Variants in SETD6 observed in about 807,000 individuals in gnomAD.
SETD6 encodes SET domain containing 6, protein lysine methyltransferase.
A neutral mutation model predicts 52.7 loss-of-function variants in SETD6; 67 were observed. The ratio of observed to expected loss-of-function variants is 1.27; its 90% CI spans 1.04 to 1.56. SETD6 has a LOEUF of 1.56. SETD6 is among the 40% of genes most tolerant of loss of function. The pLI, the probability that SETD6 is intolerant of heterozygous loss-of-function variation, is 0.00. For missense variants in SETD6, 712 were observed against 607.5 expected, an observed-to-expected ratio of 1.17 and a Z score of -1.81; for synonymous variants, 307 against 250.2, an observed-to-expected ratio of 1.23 and a Z score of -2.14.
At chr16:58,516,153 C>CGGTTCGGG in intron 2 of SETD6, 49 bp from the exon 3 acceptor site, 1 of 1,051,522 alleles carries the variant, frequency 9.5e-7, no homozygotes, top group Non-Finnish European at 1.2e-6. Context: ...GCGGGGCGGG[C>CGGTTCGGG]CCGGCCCGCG....
In SETD6 at chr16:58,520,853, A is replaced by C. The variant is rs2039342689; in HGVS notation, c.*1824A>C. 4.2e-6 allele frequency: 5 copies of C among 1,191,952 alleles called. No individual in the cohort carries two copies. Among genetic ancestry groups the C allele is most frequent in the Non-Finnish European group, 6.1e-6 (5 of 817,606 alleles). 73.8% of individuals were successfully genotyped at this position (1,191,952 alleles called of 1,614,324 possible). A position where few individuals can be genotyped will look rare whatever the true frequency, so the allele number is the denominator to read the frequency against. On this transcript the variant is annotated 3_prime_UTR_variant, in exon 8 of 8. Coordinates refer to ENST00000219315, the MANE Select transcript of SETD6 (RefSeq NM_001160305.4). ...GTTGGGGCAGATACCCACAAACCAA[A>C]GGGCTGGGAAAGTCAGGAAGAGCTG...
Position 58,519,273 on chromosome 16 carries a change from A to T in SETD6, c.*244A>T, listed in dbSNP as rs1315022215. 2.2e-6 allele frequency: 1 copy of T among 463,994 alleles called. No homozygotes were observed. Among genetic ancestry groups the T allele is most frequent in the Admixed American group, 3.9e-5 (1 of 25,318 alleles). 28.7% of individuals were successfully genotyped at this position (463,994 alleles called of 1,614,324 possible). On this transcript the variant is annotated 3_prime_UTR_variant, in exon 8 of 8. Transcript: ENST00000219315. ...AGCATGTTACAGATGTTTTGTTCTCAGTTTTAACCAAAGCCAGTGGACATA... is the reference window on the plus strand; with the variant it reads ...AGCATGTTACAGATGTTTTGTTCTCTGTTTTAACCAAAGCCAGTGGACATA...
chr16:58,517,106 A>G (rs1403489811), intron 5 of SETD6, 178 bp downstream of exon 5: 9 of 909,928 alleles, frequency 9.9e-6, no homozygotes, highest in African/African-American at 1.6e-5. Flanking sequence ...AAGTCCTCAA[A>G]GTAAGTTGTG....
In SETD6 at chr16:58,515,825, C is replaced by T; in HGVS notation, c.62C>T (p.Pro21Leu). 1 of 1,538,632 alleles carries T rather than the reference C, an allele frequency of 6.5e-7. No homozygotes were observed. Residue 21 changes from proline (P) to leucine (L), a missense_variant, in exon 2 of 8, where the codon CCT (proline) becomes CTT (leucine). Transcript: ENST00000219315. ...AGPVDGGDLD[P>L]VACFLSWCRR... is the part of the protein sequence containing the mutation. ...CCCGTGGACGGCGGCGACCTGGATC[C>T]TGTGGCCTGCTTCCTGAGCTGGTGC...
Position 58,519,134 on chromosome 16 carries a change from A to G in SETD6, c.*105A>G. 8.4e-7 allele frequency: 1 copy of G among 1,184,166 alleles called. No individual in the cohort carries two copies. Among genetic ancestry groups the G allele is most frequent in the East Asian group, 2.6e-5 (1 of 39,176 alleles). The allele number at this position is 1,184,166 out of a possible 1,614,324, so 73.4% of individuals were successfully genotyped here. ...AATTTGGATCTTTCTTTTGCTTACT[A>G]AACACCAAGAGGAAAAGTAGCAAAG... On this transcript the variant is annotated 3_prime_UTR_variant, in exon 8 of 8. Coordinates refer to ENST00000219315, the MANE Select transcript of SETD6 (RefSeq NM_001160305.4).
At chr16:58,517,904 C>CT in intron 5 of SETD6, 147 bp from the exon 6 acceptor site, 1 of 947,868 alleles carries the variant, frequency 1.1e-6, no homozygotes, top group Non-Finnish European at 1.6e-6. Context: ...AGTTTAGGGT[C>CT]TAACAGGAAC....
At chr16:58,518,360 T>C in intron 6 of SETD6, 41 bp from the exon 7 acceptor site, 1 of 1,585,968 alleles carries the variant, frequency 6.3e-7, no homozygotes, top group Non-Finnish European at 8.6e-7. Context: ...AAATGAACCC[T>C]TGGGTGTACT....
rs1418999458 is a variant in SETD6, at chr16:58,516,319, G to A, written c.452G>A (p.Gly151Asp). Residue 151 changes from glycine to aspartate, a missense_variant, in exon 3 of 8, where the codon GGC becomes GAC. Gly to Asp is a moderately conservative substitution (Grantham distance 94). Transcript: ENST00000219315. Reference sequence around the variant, plus strand: ...TACTTTGCGCTCTGGCCCGAGCTGGGCCGCTTGGAGCACCCGATGTTCTGG... The same window carrying A: ...TACTTTGCGCTCTGGCCCGAGCTGGACCGCTTGGAGCACCCGATGTTCTGG... ...RPYFALWPELGRLEHPMFWPE... is the reference protein window; with the variant it reads ...RPYFALWPELDRLEHPMFWPE... 3 of 1,607,726 alleles carry A rather than the reference G, an allele frequency of 1.9e-6. No individual in the cohort carries two copies. Among genetic ancestry groups the A allele is most frequent in the Non-Finnish European group, 2.5e-6 (3 of 1,179,910 alleles).
rs983441393 is a variant in SETD6, at chr16:58,519,359, C to T, written c.*330C>T. ...TTTAATAATAGACTTTGGAGGTAGA[C>T]CCCTGGTTTAAATCTAAGTCTAGTT... is the stretch of plus-strand genomic sequence containing the variant. On this transcript the variant is annotated 3_prime_UTR_variant, in exon 8 of 8. Transcript: ENST00000219315. The T allele has an allele frequency of 8.8e-6, 2 of 228,136 alleles. No homozygotes were observed. The highest frequency in any genetic ancestry group is 1.7e-5 in the Non-Finnish European group (2 of 115,174). 14.1% of individuals were successfully genotyped at this position (228,136 alleles called of 1,614,324 possible).
In SETD6 at chr16:58,523,570, G is replaced by A; in HGVS notation, c.*4541G>A. 2.0e-6 allele frequency: 3 copies of A among 1,496,972 alleles called. No individual in the cohort carries two copies. Among genetic ancestry groups the A allele is most frequent in the East Asian group, 2.3e-5 (1 of 43,912 alleles). The allele number at this position is 1,496,972 out of a possible 1,614,324, so 92.7% of individuals were successfully genotyped here. A position where few individuals can be genotyped will look rare whatever the true frequency, so the allele number is the denominator to read the frequency against. ...CCAACATGGGAAGACAGTTCTAACT[G>A]GCTAGGGTTTGGGTTTCTGACAGAG... On this transcript the variant is annotated 3_prime_UTR_variant, in exon 8 of 8. Coordinates refer to ENST00000219315, the MANE Select transcript of SETD6 (RefSeq NM_001160305.4).
At position 58,516,021 on chromosome 16, in the gene SETD6, A is replaced by G. The variant is rs1395451263; in HGVS notation, c.258A>G (p.Gly86=). ...GMVARESVQA[G]ELLFVVPRAA... is the part of the protein sequence containing the mutation. ...TGGCCCGGGAGAGCGTGCAGGCCGG[A>G]GAGCTGTTGTTCGTGGTGCCGCGGG... is the stretch of plus-strand genomic sequence containing the variant. Residue 86 remains glycine (G), a synonymous_variant, in exon 2 of 8, where the codon GGA becomes GGG. Transcript: ENST00000219315. 6.5e-7 allele frequency: 1 copy of G among 1,538,438 alleles called. No homozygotes were observed. The highest frequency in any genetic ancestry group is 2.6e-5 in the East Asian group (1 of 38,478).
At chr16:58,515,666 C>T (rs2039097723) in intron 1 of SETD6, 102 bp downstream of exon 1, 6 of 1,410,546 alleles carry the variant, frequency 4.3e-6, no homozygotes, top group Non-Finnish European at 5.5e-6. Context: ...CCCGCGGGTC[C>T]CGCGCCCCTC....
rs750590369 is a variant in SETD6 at position 58,518,593 on chromosome 16, G to A, written c.1116+50G>A. 4 of 1,585,708 alleles carry A rather than the reference G, an allele frequency of 2.5e-6. No homozygotes were observed. In the African/African-American group the frequency reaches 4.1e-5, roughly 16 times the overall value. Reference sequence around the variant, plus strand: ...AATGCTGATAATCTAAGTATTTAAAGCAAAATAGCTAGAAGATGAGAGAGG... The same window carrying A: ...AATGCTGATAATCTAAGTATTTAAAACAAAATAGCTAGAAGATGAGAGAGG... On this transcript the variant is annotated intron_variant, in intron 7 of 7. Transcript: ENST00000219315.
chr16:58,515,926 G>T lies in SETD6; in HGVS notation c.163G>T (p.Ala55Ser). ...GGRRTRGGAR[A>S]ALTSPPAQVA... Reference sequence around the variant, plus strand: ...GCGGAGGACCCGCGGCGGGGCGCGGGCTGCCCTGACCAGCCCTCCTGCTCA... The same window carrying T: ...GCGGAGGACCCGCGGCGGGGCGCGGTCTGCCCTGACCAGCCCTCCTGCTCA... The change falls in exon 2 of 8, where the codon GCT (alanine) becomes TCT (serine). Residue 55 changes from alanine to serine, a missense_variant. Physicochemically the swap from Ala to Ser is moderately conservative, Grantham distance 99. Transcript: ENST00000219315. 1.3e-6 allele frequency: 2 copies of T among 1,513,058 alleles called. No homozygotes were observed. Among genetic ancestry groups the T allele is most frequent in the Non-Finnish European group, 1.8e-6 (2 of 1,139,046 alleles). The allele number at this position is 1,513,058 out of a possible 1,614,324, so 93.7% of individuals were successfully genotyped here.
Position 58,520,873 on chromosome 16 carries a change from G to A in SETD6, c.*1844G>A. The stretch of plus-strand genomic sequence containing the variant: ...ACCAAAGGGCTGGGAAAGTCAGGAA[G>A]AGCTGAAAGGATTCTTCAGTCAGTT... On this transcript the variant is annotated 3_prime_UTR_variant, in exon 8 of 8. Coordinates refer to ENST00000219315, the MANE Select transcript of SETD6 (RefSeq NM_001160305.4). 7.2e-7 allele frequency: 1 copy of A among 1,381,684 alleles called. No homozygotes were observed. The highest frequency in any genetic ancestry group is 1.0e-6 in the Non-Finnish European group (1 of 982,490). 85.6% of individuals were successfully genotyped at this position (1,381,684 alleles called of 1,614,324 possible).
rs878946363 is a variant in SETD6, at chr16:58,520,506, T to G, written c.*1477T>G. 2.4e-5 allele frequency: 4 copies of G among 169,382 alleles called. No homozygotes were observed. In the East Asian group the frequency reaches 4.7e-4, roughly 20 times the overall value. 10.5% of individuals were successfully genotyped at this position (169,382 alleles called of 1,614,324 possible). On this transcript the variant is annotated 3_prime_UTR_variant, in exon 8 of 8. Transcript: ENST00000219315. The stretch of plus-strand genomic sequence containing the variant: ...GATTTTCAAGGTCCCCTGTCCACAT[T>G]AAAAAAATAAGTTACATAATATTCA...
rs1406602456 is a variant in SETD6, at chr16:58,523,508, A to G, written c.*4479A>G. 7.4e-6 allele frequency: 12 copies of G among 1,613,646 alleles called. No homozygotes were observed. The highest frequency in any genetic ancestry group is 2.2e-5 in the South Asian group (2 of 91,058). Reference sequence around the variant, plus strand: ...ATTCAAAAAGAGATAGCGACCTAGAAATTAAGAAACCTTGACTTAGGACTT... The same window carrying G: ...ATTCAAAAAGAGATAGCGACCTAGAGATTAAGAAACCTTGACTTAGGACTT... On this transcript the variant is annotated 3_prime_UTR_variant, in exon 8 of 8. Transcript: ENST00000219315.
chr16:58,516,478 G>T lies in SETD6; in HGVS notation c.477G>T (p.Trp159Cys). ...ELGRLEHPMF[W>C]PEEERRCLLQ... ...AACCTGGGTGTGGGTGTCCCTGCAGGCCAGAGGAGGAGCGCCGGTGCCTGC... is the reference window on the plus strand; with the variant it reads ...AACCTGGGTGTGGGTGTCCCTGCAGTCCAGAGGAGGAGCGCCGGTGCCTGC... Residue 159 changes from tryptophan to cysteine, a missense_variant and splice_region_variant, in exon 4 of 8, where the codon TGG becomes TGT. Physicochemically the swap from Trp to Cys is radical, Grantham distance 215. Transcript: ENST00000219315. The T allele has an allele frequency of 1.9e-6, 3 of 1,613,966 alleles. No homozygotes were observed. Among genetic ancestry groups the T allele is most frequent in the Non-Finnish European group, 2.5e-6 (3 of 1,179,950 alleles).
chr16:58,521,155 A>G lies in SETD6; in HGVS notation c.*2126A>G, dbSNP rs775442887. On this transcript the variant is annotated 3_prime_UTR_variant, in exon 8 of 8. Coordinates refer to ENST00000219315, the MANE Select transcript of SETD6 (RefSeq NM_001160305.4). Reference sequence around the variant, plus strand: ...GTTTTCAGTCTCCAGTCTCATTCCTAGACAATTAAAAATTACTTTGAACTC... The same window carrying G: ...GTTTTCAGTCTCCAGTCTCATTCCTGGACAATTAAAAATTACTTTGAACTC... The G allele has an allele frequency of 6.2e-7, 1 of 1,613,172 alleles. No individual in the cohort carries two copies. The highest frequency in any genetic ancestry group is 1.1e-5 in the South Asian group (1 of 90,938).
Sources: gnomAD v4.1 joint callset for allele counts on GRCh38, gnomAD v4.1.1 for gene constraint, MANE v1.5 for transcripts, NCBI Gene and HGNC (gene_info 2026-07-23, HGNC 2026-07-21) for gene names.